Variants in CUL2 observed in about 807,000 individuals in gnomAD.
CUL2 encodes the protein cullin-2.
In CUL2, 22 loss-of-function variants were observed where a neutral mutation model predicts 110.2. That is an observed-to-expected ratio of 0.20 (90% CI 0.14 to 0.28). The LOEUF (loss-of-function observed/expected upper bound fraction) is 0.28. CUL2 is among the 10% of genes least tolerant of loss of function. The pLI is 1.00. For synonymous variants in CUL2, 279 were observed against 293.2 expected (o/e 0.95, Z 0.49); for missense variants, 631 against 905.5 (o/e 0.70, Z 3.89).
intron 1 of CUL2, among the ~76,000 whole-genome samples, chr10:35,117,979 T>A (rs1051131336): frequency 3.3e-5 from 5 of 152,176 alleles, no homozygotes; most frequent in Non-Finnish European, 7.4e-5. Flanking sequence ...ATGCACAGCC[T>A]CCCTATCAAC....
intron 5 of CUL2, among the ~76,000 whole-genome samples, chr10:35,054,104 C>T (rs752865367): frequency 1.3e-5 from 2 of 152,106 alleles, no homozygotes; most frequent in Non-Finnish European, 2.9e-5. Flanking sequence ...GTTTCCTCTC[C>T]TCTAGCCTGT....
intron 6 of CUL2, among the ~76,000 whole-genome samples, chr10:35,045,554 A>AC (rs925598357): frequency 2.7e-5 from 4 of 150,864 alleles, no homozygotes; most frequent in Admixed American, 2.6e-4. Flanking sequence ...ACAAAAAAAA[A>AC]AAAAAAACAA....
intron 1 of CUL2, among the ~76,000 whole-genome samples, chr10:35,117,055 G>C (rs1246472547): frequency 6.6e-6 from 1 of 151,944 alleles, no homozygotes; most frequent in East Asian, 1.9e-4. Context: ...GAAAAAAAAG[G>C]TAAACTTCCT....
At chr10:35,087,100 T>C (rs2087083208) in intron 1 of CUL2, among the ~76,000 whole-genome samples, 1 of 152,230 alleles carries the variant, frequency 6.6e-6, no homozygotes, top group Non-Finnish European at 1.5e-5. Context: ...GGTCTCACTC[T>C]GTCACTCAGG....
intron 4 of CUL2, among the ~76,000 whole-genome samples, chr10:35,059,976 T>G (rs149775076): frequency 0.022 from 3,408 of 152,276 alleles, 60 homozygotes; most frequent in Non-Finnish European, 0.036. Context: ...TAGTACTAAT[T>G]TAGCCAGGCA....
At chr10:35,113,803 T>A (rs943680728) in intron 1 of CUL2, among the ~76,000 whole-genome samples, 2 of 151,482 alleles carry the variant, frequency 1.3e-5, no homozygotes, top group Admixed American at 6.6e-5. Flanking sequence ...CCCTCCCAGG[T>A]TCAAGTGATT....
At chr10:35,109,584 G>A (rs2087503386) in intron 1 of CUL2, among the ~76,000 whole-genome samples, 1 of 152,214 alleles carries the variant, frequency 6.6e-6, no homozygotes, top group African/African-American at 2.4e-5. Context: ...ATTTTCTGAG[G>A]TGACATTTGC....
chr10:35,113,333 T>TA (rs1406554907), intron 1 of CUL2, among the ~76,000 whole-genome samples: 1 of 149,622 alleles, frequency 6.7e-6, no homozygotes, highest in Admixed American at 6.7e-5. Flanking sequence ...CTGTCTCTAC[T>TA]AAAAATACAA....
chr10:35,116,084 T>C (rs1163817485), intron 1 of CUL2, among the ~76,000 whole-genome samples: 2 of 152,108 alleles, frequency 1.3e-5, no homozygotes, highest in Non-Finnish European at 2.9e-5. Flanking sequence ...GGTTCACACC[T>C]GTAATCCCAG....
upstream of CUL2, among the ~76,000 whole-genome samples, chr10:35,093,219 G>A (rs1278055599): frequency 6.6e-6 from 1 of 151,836 alleles, no homozygotes; most frequent in Non-Finnish European, 1.5e-5. Flanking sequence ...GGGGGAGACT[G>A]ATTTGAGTGA....
intron 17 of CUL2, among the ~76,000 whole-genome samples, chr10:35,021,415 AT>A (rs895533068): frequency 3.3e-5 from 5 of 151,644 alleles, no homozygotes; most frequent in African/African-American, 4.8e-5. Flanking sequence ...ATAAACATAC[AT>A]TTTTTTATAT....
chr10:35,033,154 T>A lies in CUL2; in HGVS notation c.1110+12A>T. On this transcript the variant is annotated intron_variant, in intron 11 of 20. Transcript: ENST00000374749. ...TATGTACATATATAGTATATATGTA[T>A]TTAAAACTTACCTTATCCAACGCAC... 6.4e-7 allele frequency: 1 copy of A among 1,563,680 alleles called. No individual in the cohort carries two copies. The highest frequency in any genetic ancestry group is 8.8e-7 in the Non-Finnish European group (1 of 1,135,582).
intron 2 of CUL2, among the ~76,000 whole-genome samples, chr10:35,100,677 G>A (rs564553764): frequency 4.2e-5 from 6 of 144,184 alleles, no homozygotes; most frequent in East Asian, 4.2e-4. Flanking sequence ...CAGGAGAATC[G>A]CTTGAACCCA....
intron 18 of CUL2, among the ~76,000 whole-genome samples, chr10:35,014,846 CATAAA>C (rs1328349516): frequency 1.3e-5 from 2 of 151,938 alleles, no homozygotes; most frequent in African/African-American, 2.4e-5. Context: ...AATAAATAAA[CATAAA>C]ATAAAATTTA....
chr10:35,051,761 T>G (rs1158504460), intron 5 of CUL2, among the ~76,000 whole-genome samples: 2 of 152,252 alleles, frequency 1.3e-5, no homozygotes, highest in Non-Finnish European at 2.9e-5. Context: ...GTTAGTCTGT[T>G]AAAGTTTGTC....
intron 1 of CUL2, among the ~76,000 whole-genome samples, chr10:35,106,961 G>GTTGTTTTTTTGTTTGT (rs1169853042): frequency 6.9e-6 from 1 of 145,950 alleles, no homozygotes; most frequent in East Asian, 2.0e-4. Flanking sequence ...GTTTTTTTTT[G>GTTGTTTTTTTGTTTGT]TTGTTTTTTT....
At chr10:35,098,797 G>T (rs113468459) in intron 2 of CUL2, among the ~76,000 whole-genome samples, 1 of 152,104 alleles carries the variant, frequency 6.6e-6, no homozygotes, top group South Asian at 2.1e-4. Flanking sequence ...AGCTGGGCAC[G>T]GTGGCAGGCG....
At chr10:35,012,242 A>G (rs967883460) in intron 19 of CUL2, among the ~76,000 whole-genome samples, 1 of 152,094 alleles carries the variant, frequency 6.6e-6, no homozygotes, top group Non-Finnish European at 1.5e-5. Context: ...TGTTGTGCCA[A>G]TATCACATAA....
At chr10:35,028,950 A>G in intron 15 of CUL2, 63 bp from the exon 16 acceptor site, 1 of 991,754 alleles carries the variant, frequency 1.0e-6, no homozygotes, top group Non-Finnish European at 1.5e-6. Flanking sequence ...CAAAGTAAAT[A>G]TTTATTAAAT....
Sources: allele counts gnomAD v4.1 joint callset (sites outside exome capture counted in the v4.1 genomes callset), GRCh38; gene constraint gnomAD v4.1.1; transcripts MANE v1.5; gene names NCBI Gene and HGNC (gene_info 2026-07-23, HGNC 2026-07-21).